The following LRRTM4 variants were observed in gnomAD, a reference collection of about 807,000 sequenced individuals.
LRRTM4 encodes leucine-rich repeat transmembrane neuronal protein 4.
Under a neutral mutation model 47.6 loss-of-function variants are expected in LRRTM4, and 25 were observed. That is an observed-to-expected ratio of 0.53 (90% CI 0.38 to 0.73). The LOEUF is 0.73. Ranked by LOEUF, LRRTM4 falls within the 30% of genes least tolerant of loss-of-function variation. LRRTM4 has a pLI of 0.00. For synonymous variants in LRRTM4, 311 were observed against 269.5 expected (o/e 1.15, Z -1.51); for missense variants, 638 against 713.4 (o/e 0.89, Z 1.20).
chr2:77,282,331 C>A (rs1251842140), intron 3 of LRRTM4, among the ~76,000 whole-genome samples: 1 of 151,732 alleles, frequency 6.6e-6, no homozygotes, highest in South Asian at 2.1e-4. Context: ...TTTATAGGAA[C>A]CTTTTGGCAG....
chr2:76,860,102 T>C (rs1471055100), intron 3 of LRRTM4, among the ~76,000 whole-genome samples: 1 of 151,860 alleles, frequency 6.6e-6, no homozygotes. Flanking sequence ...ACACAGAAAA[T>C]AGGAGTACGT....
At chr2:77,201,713 A>T (rs1489516650) in intron 3 of LRRTM4, among the ~76,000 whole-genome samples, 1 of 152,132 alleles carries the variant, frequency 6.6e-6, no homozygotes, top group African/African-American at 2.4e-5. Flanking sequence ...GTAACATTCC[A>T]TAGCATTTCT....
intron 3 of LRRTM4, among the ~76,000 whole-genome samples, chr2:77,115,835 T>G (rs1671377310): frequency 6.6e-6 from 1 of 152,216 alleles, no homozygotes; most frequent in Non-Finnish European, 1.5e-5. Context: ...GCTTTCCACC[T>G]AGACCTAAAT....
chr2:77,041,572 T>C (rs1004172141), intron 3 of LRRTM4, among the ~76,000 whole-genome samples: 1 of 151,344 alleles, frequency 6.6e-6, no homozygotes, highest in Non-Finnish European at 1.5e-5. Context: ...TCATGAACAT[T>C]TATTATTTTT....
At chr2:77,212,411 A>G (rs1478662608) in intron 3 of LRRTM4, among the ~76,000 whole-genome samples, 2 of 149,964 alleles carry the variant, frequency 1.3e-5, no homozygotes, top group Admixed American at 1.3e-4. Flanking sequence ...CAAGGTCACC[A>G]ATCAATCTTC....
At chr2:77,170,990 G>C (rs1199804859) in intron 3 of LRRTM4, among the ~76,000 whole-genome samples, 2 of 149,972 alleles carry the variant, frequency 1.3e-5, no homozygotes, top group African/African-American at 4.9e-5. Flanking sequence ...ATATATATTA[G>C]CTTTATATAT....
At chr2:76,906,412 T>C (rs1673841302) in intron 3 of LRRTM4, among the ~76,000 whole-genome samples, 1 of 151,608 alleles carries the variant, frequency 6.6e-6, no homozygotes, top group Admixed American at 6.6e-5. Flanking sequence ...GTAAAGACCA[T>C]CGAGACTAGG....
chr2:76,981,524 T>C (rs1400942959), intron 3 of LRRTM4, among the ~76,000 whole-genome samples: 1 of 152,084 alleles, frequency 6.6e-6, no homozygotes, highest in Non-Finnish European at 1.5e-5. Flanking sequence ...GGATAGGATC[T>C]TGCTCTGTCG....
In LRRTM4 at chr2:77,202,101, T is replaced by A. The variant is rs546779802; in HGVS notation, c.1551+316217A>T. On this transcript the variant is annotated intron_variant, in intron 3 of 3. Coordinates refer to ENST00000409884, the MANE Select transcript of LRRTM4 (RefSeq NM_001134745.3). ...TTTTATAATGACAGCTGCTGTCAGG[T>A]GAGAGGATACCAGGAATGTTGTCAG... is the stretch of plus-strand genomic sequence containing the variant. Among the ~76,000 whole-genome samples the A allele has an allele frequency of 3.9e-5, 6 of 152,174 alleles. No individual in the cohort carries two copies. In the South Asian group the frequency reaches 1.0e-3, roughly 26 times the overall value.
intron 3 of LRRTM4, among the ~76,000 whole-genome samples, chr2:77,148,020 A>G (rs936478315): frequency 2.0e-5 from 3 of 152,112 alleles, no homozygotes; most frequent in Admixed American, 2.0e-4. Flanking sequence ...TCTTATTACT[A>G]TGGAATATTT....
chr2:77,019,025 T>G (rs1409224797), intron 3 of LRRTM4, among the ~76,000 whole-genome samples: 1 of 152,046 alleles, frequency 6.6e-6, no homozygotes, highest in Non-Finnish European at 1.5e-5. Context: ...AGAAATGTAG[T>G]GAATTTGAAT....
At chr2:76,806,205 T>G (rs1279193196) in intron 3 of LRRTM4, among the ~76,000 whole-genome samples, 1 of 152,046 alleles carries the variant, frequency 6.6e-6, no homozygotes, top group Non-Finnish European at 1.5e-5. Flanking sequence ...AACTAGGCAC[T>G]CAGAAAAAGG....
At chr2:76,832,330 A>G (rs1179640628) in intron 3 of LRRTM4, among the ~76,000 whole-genome samples, 1 of 151,966 alleles carries the variant, frequency 6.6e-6, no homozygotes, top group African/African-American at 2.4e-5. Flanking sequence ...TGATTAAAAG[A>G]TCACACACAC....
intron 3 of LRRTM4, among the ~76,000 whole-genome samples, chr2:76,750,061 A>C (rs1218170603): frequency 1.3e-5 from 2 of 152,250 alleles, no homozygotes; most frequent in East Asian, 3.9e-4. Context: ...TTGCCAATGG[A>C]GGGAGATGGC....
intron 3 of LRRTM4, among the ~76,000 whole-genome samples, chr2:77,447,833 A>C (rs914243335): frequency 6.6e-6 from 1 of 152,186 alleles, no homozygotes; most frequent in African/African-American, 2.4e-5. Context: ...ACTGTAGTTT[A>C]ATGATGTTGG....
chr2:77,407,727 A>G (rs1195567997), intron 3 of LRRTM4, among the ~76,000 whole-genome samples: 1 of 141,454 alleles, frequency 7.1e-6, no homozygotes, highest in Non-Finnish European at 1.5e-5. Context: ...ATTATATTAT[A>G]TATTATATAT....
intron 3 of LRRTM4, among the ~76,000 whole-genome samples, chr2:77,376,923 G>A (rs1334663762): frequency 6.6e-6 from 1 of 151,758 alleles, no homozygotes; most frequent in Non-Finnish European, 1.5e-5. Context: ...ATAACTACAA[G>A]AACTATTTGT....
intron 3 of LRRTM4, among the ~76,000 whole-genome samples, chr2:77,369,059 T>G (rs557246419): frequency 6.6e-6 from 1 of 151,940 alleles, no homozygotes; most frequent in East Asian, 1.9e-4. Flanking sequence ...TAATATCTCC[T>G]AGTGGTTTTG....
chr2:76,757,994 G>C (rs1246685341), intron 3 of LRRTM4, among the ~76,000 whole-genome samples: 1 of 152,158 alleles, frequency 6.6e-6, no homozygotes, highest in African/African-American at 2.4e-5. Context: ...CGGCATTACA[G>C]AGTTTTCCAT....
Sources: allele counts gnomAD v4.1 joint callset (sites outside exome capture counted in the v4.1 genomes callset), GRCh38; gene constraint gnomAD v4.1.1; transcripts MANE v1.5; gene names NCBI Gene and HGNC (gene_info 2026-07-23, HGNC 2026-07-21).